Variants in PLCB4 observed in about 807,000 individuals in gnomAD.
The protein encoded by PLCB4 is 1-phosphatidylinositol 4,5-bisphosphate phosphodiesterase beta-4.
Under a neutral mutation model 178.8 loss-of-function variants are expected in PLCB4, and 77 were observed. That is an observed-to-expected ratio of 0.43 (90% confidence interval 0.36 to 0.52). The LOEUF (loss-of-function observed/expected upper bound fraction) is 0.52, where lower values mean the gene tolerates loss of function less well. Among genes scored for constraint, PLCB4 ranks in the 20% least tolerant of loss-of-function variants. The probability of loss-of-function intolerance (pLI) is 0.00; values close to 1 mark genes in which losing one functional copy is unlikely to be tolerated. For synonymous variants in PLCB4, 496 were observed against 490.8 expected, an observed-to-expected ratio of 1.01 and a Z score of -0.14; for missense variants, 1,024 against 1,453.4, an observed-to-expected ratio of 0.70 and a Z score of 4.80.
chr20:9,228,174 C>A (rs1406905321), intron 3 of PLCB4, among the ~76,000 whole-genome samples: 1 of 152,230 alleles, frequency 6.6e-6, no homozygotes, highest in South Asian at 2.1e-4. Context: ...TAACTAGACA[C>A]TGTCCTGATT....
Position 9,473,271 on chromosome 20 carries a change from T to C in PLCB4, c.3409-8T>C. 6.6e-7 allele frequency: 1 copy of C among 1,522,674 alleles called. No individual in the cohort carries two copies. Among genetic ancestry groups the C allele is most frequent in the South Asian group, 1.3e-5 (1 of 76,644 alleles). 94.3% of individuals were successfully genotyped at this position (1,522,674 alleles called of 1,614,324 possible). On this transcript the variant is annotated splice_polypyrimidine_tract_variant and splice_region_variant and intron_variant, in intron 37 of 39. Coordinates refer to ENST00000378473, the MANE Select transcript of PLCB4 (RefSeq NM_001377142.1). ...CAATCAGAATTTTTTTTTTTTTTTT[T>C]TTTGCAGCTTGCCATGAAGCAGTCC... is the stretch of plus-strand genomic sequence containing the variant.
At chr20:9,445,810 A>G (rs2122165902) in intron 32 of PLCB4, among the ~76,000 whole-genome samples, 1 of 152,346 alleles carries the variant, frequency 6.6e-6, no homozygotes, top group African/African-American at 2.4e-5. Context: ...GAAAAAGAGT[A>G]AGAATGAGAA....
intron 27 of PLCB4, among the ~76,000 whole-genome samples, chr20:9,421,868 A>G (rs1246098845): frequency 6.6e-6 from 1 of 152,222 alleles, no homozygotes; most frequent in Non-Finnish European, 1.5e-5. Flanking sequence ...TACATGGGTC[A>G]GTTGGCATGG....
intron 2 of PLCB4, among the ~76,000 whole-genome samples, chr20:9,200,486 T>C (rs562125773): frequency 6.6e-6 from 1 of 152,320 alleles, no homozygotes; most frequent in South Asian, 2.1e-4. Context: ...AGACAAAGTG[T>C]TCCTTTAAAA....
At chr20:9,084,349 A>G (rs1299383841) in intron 1 of PLCB4, among the ~76,000 whole-genome samples, 1 of 152,212 alleles carries the variant, frequency 6.6e-6, no homozygotes, top group Non-Finnish European at 1.5e-5. Context: ...TTTGATAAGT[A>G]ATGTGTATTT....
intron 11 of PLCB4, 127 bp downstream of exon 11, chr20:9,372,530 A>G (rs1260252573): frequency 1.3e-5 from 7 of 540,326 alleles, no homozygotes; most frequent in Non-Finnish European, 2.0e-5. Flanking sequence ...TCAGGGTTAC[A>G]TTTTTAACCC....
chr20:9,423,828 G>C lies in PLCB4; in HGVS notation c.2400G>C (p.Pro800=). The stretch of plus-strand genomic sequence containing the variant: ...AGCTGATTGGCCAGAGGATCCTCCC[G>C]CTTGATGGCCTCCAAGCCGGATATC... ...NNKLIGQRIL[P]LDGLQAGYRH... Residue 800 remains proline, a synonymous_variant, in exon 28 of 40, where the codon CCG becomes CCC. Coordinates refer to ENST00000378473, the MANE Select transcript of PLCB4 (RefSeq NM_001377142.1). The C allele has an allele frequency of 6.2e-7, 1 of 1,613,824 alleles. No homozygotes were observed. Among genetic ancestry groups the C allele is most frequent in the South Asian group, 1.1e-5 (1 of 91,058 alleles).
chr20:9,341,319 C>T (rs2033169707), intron 7 of PLCB4, among the ~76,000 whole-genome samples: 2 of 152,068 alleles, frequency 1.3e-5, no homozygotes, highest in Non-Finnish European at 1.5e-5. Context: ...CCATGTATAA[C>T]TTTTGACTCC....
intron 2 of PLCB4, among the ~76,000 whole-genome samples, chr20:9,112,713 C>T (rs1281641448): frequency 2.6e-5 from 4 of 152,000 alleles, no homozygotes; most frequent in African/African-American, 9.7e-5. Context: ...ATAGACTGTC[C>T]CTTTATGCAA....
At chr20:9,142,317 G>T (rs928388908) in intron 2 of PLCB4, among the ~76,000 whole-genome samples, 15 of 152,122 alleles carry the variant, frequency 9.9e-5, no homozygotes, top group Admixed American at 5.9e-4. Flanking sequence ...AAGGGATCTT[G>T]AATCTGGGAA....
At chr20:9,077,209 A>G (rs2089910976) in intron 1 of PLCB4, among the ~76,000 whole-genome samples, 2 of 152,240 alleles carry the variant, frequency 1.3e-5, no homozygotes, top group South Asian at 2.1e-4. Context: ...ACTTTATTTA[A>G]CCATTCTTCT....
chr20:9,193,380 C>G lies in PLCB4; in HGVS notation c.-78-24010C>G, dbSNP rs1568928086. On this transcript the variant is annotated intron_variant, in intron 2 of 39. Transcript: ENST00000378473. Reference sequence around the variant, plus strand: ...GCCTCGGAATTTTCCTGTAGAAAGACACAGGTTGGTTCCTTTCCCACTAAC... The same window carrying G: ...GCCTCGGAATTTTCCTGTAGAAAGAGACAGGTTGGTTCCTTTCCCACTAAC... Among the ~76,000 whole-genome samples the G allele has an allele frequency of 2.6e-5, 4 of 152,328 alleles. No individual in the cohort carries two copies. In the East Asian group the frequency reaches 7.7e-4, roughly 29 times the overall value.
At chr20:9,185,057 G>A (rs1370139894) in intron 2 of PLCB4, among the ~76,000 whole-genome samples, 1 of 152,154 alleles carries the variant, frequency 6.6e-6, no homozygotes, top group Non-Finnish European at 1.5e-5. Flanking sequence ...CCAGTAGCTG[G>A]GACTACAGGT....
chr20:9,396,771 A>G (rs1043074867), intron 19 of PLCB4, among the ~76,000 whole-genome samples: 2 of 152,232 alleles, frequency 1.3e-5, no homozygotes, highest in Admixed American at 6.5e-5. Context: ...GAAATTATTT[A>G]CACTGTACTG....
At chr20:9,197,999 A>T (rs2093494020) in intron 2 of PLCB4, among the ~76,000 whole-genome samples, 1 of 152,088 alleles carries the variant, frequency 6.6e-6, no homozygotes, top group Non-Finnish European at 1.5e-5. Flanking sequence ...TAAAAAATAA[A>T]AAAAAAAACA....
At chr20:9,187,801 G>C (rs1033521964) in intron 2 of PLCB4, among the ~76,000 whole-genome samples, 8 of 152,188 alleles carry the variant, frequency 5.3e-5, no homozygotes, top group Non-Finnish European at 4.4e-5. Context: ...TCACATGAGT[G>C]AATTGTGATT....
At chr20:9,095,114 T>C (rs530349971) in intron 1 of PLCB4, among the ~76,000 whole-genome samples, 1 of 152,074 alleles carries the variant, frequency 6.6e-6, no homozygotes, top group Non-Finnish European at 1.5e-5. Context: ...CCAAGAAGAG[T>C]GGAACTCATT....
intron 2 of PLCB4, among the ~76,000 whole-genome samples, chr20:9,170,018 C>T (rs2093037952): frequency 6.6e-6 from 1 of 152,162 alleles, no homozygotes; most frequent in Admixed American, 6.5e-5. Context: ...ATGAAATGCA[C>T]ACATCCTTAC....
At chr20:9,117,555 T>A (rs188895125) in intron 2 of PLCB4, among the ~76,000 whole-genome samples, 2 of 152,320 alleles carry the variant, frequency 1.3e-5, no homozygotes, top group Admixed American at 6.5e-5. Context: ...TAAATAAGAT[T>A]GTGTGATTCC....
Sources: allele counts gnomAD v4.1 joint callset (sites outside exome capture counted in the v4.1 genomes callset), GRCh38; gene constraint gnomAD v4.1.1; transcripts MANE v1.5; gene names NCBI Gene and HGNC (gene_info 2026-07-23, HGNC 2026-07-21).